Variants in COL6A5 observed in about 807,000 individuals in gnomAD.
COL6A5 encodes collagen alpha-5(VI) chain.
A neutral mutation model predicts 65.6 loss-of-function variants in COL6A5; 48 were observed. The ratio of observed to expected loss-of-function variants is 0.73; its 90% CI spans 0.58 to 0.93. The LOEUF is 0.93. Ranked by LOEUF, COL6A5 falls within the 40% of genes least tolerant of loss-of-function variation. The pLI is 0.00. For synonymous variants in COL6A5, 291 were observed against 322.8 expected, an observed-to-expected ratio of 0.90 and a Z score of 1.05; for missense variants, 914 against 928.3, an observed-to-expected ratio of 0.98 and a Z score of 0.20.
intron 1 of COL6A5, among the ~76,000 whole-genome samples, 183 bp from the exon 34 acceptor site, chr3:130,439,339 T>TTG (rs5852597): frequency 0.017 from 2,524 of 146,628 alleles, 41 homozygotes; most frequent in African/African-American, 0.048. Context: ...AAGCAGGGGA[T>TTG]TGTGTGTGTG....
chr3:130,371,833 T>C (rs1347554256), intron 1 of COL6A5, among the ~76,000 whole-genome samples: 3 of 152,152 alleles, frequency 2.0e-5, no homozygotes, highest in Non-Finnish European at 4.4e-5. Context: ...TAAATTGGAC[T>C]TCATCAAATT....
intron 7 of COL6A5, 69 bp from the exon 8 acceptor site, chr3:130,394,821 A>G: frequency 3.6e-6 from 4 of 1,123,248 alleles, no homozygotes; most frequent in Non-Finnish European, 5.1e-6. Flanking sequence ...AAGCAATTTA[A>G]GTATATGAGG....
rs556929903 is a variant in COL6A5 at position 130,376,903 on chromosome 3, T to C, written c.667+67T>C. The C allele has an allele frequency of 1.8e-4, 254 of 1,447,760 alleles. No homozygotes were observed. In the African/African-American group the frequency reaches 3.5e-3, roughly 20 times the overall value. 89.7% of individuals were successfully genotyped at this position (1,447,760 alleles called of 1,614,324 possible). A position where few individuals can be genotyped will look rare whatever the true frequency, so the allele number is the denominator to read the frequency against. ...GGGTCTACATCTGTCCACTCTCACC[T>C]CTTGCAACTCATGTTAGGTTTTCAT... is the stretch of plus-strand genomic sequence containing the variant. On this transcript the variant is annotated intron_variant and NMD_transcript_variant, in intron 3 of 41. Transcript: ENST00000312481.
At chr3:130,458,176 A>G (rs1316012451) in intron 5 of COL6A5, among the ~76,000 whole-genome samples, 2 of 152,008 alleles carry the variant, frequency 1.3e-5, no homozygotes, top group African/African-American at 4.8e-5. Context: ...AATTATCTTC[A>G]ATTCTACCAC....
At chr3:130,458,683 C>A (rs574315921) in intron 5 of COL6A5, among the ~76,000 whole-genome samples, 2 of 152,108 alleles carry the variant, frequency 1.3e-5, no homozygotes, top group African/African-American at 4.8e-5. Context: ...ATTTGTGTTG[C>A]TAAAGAGTTC....
At chr3:130,365,488 G>A (rs1238880280) in intron 1 of COL6A5, among the ~76,000 whole-genome samples, 1 of 152,004 alleles carries the variant, frequency 6.6e-6, no homozygotes, top group African/African-American at 2.4e-5. Context: ...CGTTTTAGCC[G>A]GGATGGTCTC....
intron 7 of COL6A5, among the ~76,000 whole-genome samples, chr3:130,473,931 T>C (rs879503221): frequency 2.6e-5 from 4 of 152,122 alleles, no homozygotes; most frequent in Non-Finnish European, 5.9e-5. Context: ...AGTTTTCATT[T>C]CTGTGTTTGT....
chr3:130,448,389 T>A (rs528352273), intron 4 of COL6A5, among the ~76,000 whole-genome samples: 1 of 152,274 alleles, frequency 6.6e-6, no homozygotes, highest in South Asian at 2.1e-4. Flanking sequence ...AGAGAACAAG[T>A]TAGACAGCAC....
At chr3:130,382,870 A>T (rs753661330) in intron 4 of COL6A5, among the ~76,000 whole-genome samples, 1 of 152,098 alleles carries the variant, frequency 6.6e-6, no homozygotes, top group Non-Finnish European at 1.5e-5. Context: ...TAAAAATGAG[A>T]GCTATCAATG....
At chr3:130,441,421 C>T (rs1322018182) in intron 3 of COL6A5, among the ~76,000 whole-genome samples, 2 of 152,126 alleles carry the variant, frequency 1.3e-5, no homozygotes, top group Non-Finnish European at 2.9e-5. Flanking sequence ...GCATGAGTGC[C>T]AGGCTACAAA....
At chr3:130,408,712 C>T (rs1937081064) in intron 17 of COL6A5, among the ~76,000 whole-genome samples, 1 of 152,038 alleles carries the variant, frequency 6.6e-6, no homozygotes, top group Non-Finnish European at 1.5e-5. Context: ...TGATGTCACC[C>T]CCAGAGACCC....
chr3:130,384,702 C>G, intron 4 of COL6A5, 102 bp from the exon 5 acceptor site: 1 of 969,836 alleles, frequency 1.0e-6, no homozygotes, highest in South Asian at 1.8e-5. Context: ...AAAACGAAGT[C>G]TTCATTCTTT....
intron 20 of COL6A5, among the ~76,000 whole-genome samples, chr3:130,412,773 A>T (rs148571506): frequency 2.0e-5 from 3 of 152,282 alleles, no homozygotes; most frequent in African/African-American, 7.2e-5. Flanking sequence ...TGTAAGCAAT[A>T]GCCAACCTGG....
In COL6A5 at chr3:130,394,928, G is replaced by A. The variant is rs190666668; in HGVS notation, c.3031G>A (p.Asp1011Asn). Reference sequence around the variant, plus strand: ...GGAAGCTGACGTGATTTTCCTTTGCGATGGCTCTGACAGGGTATCTAATTC... The same window carrying A: ...GGAAGCTGACGTGATTTTCCTTTGCAATGGCTCTGACAGGGTATCTAATTC... Residue 1011 changes from aspartate (D) to asparagine (N), a missense_variant and NMD_transcript_variant, in exon 8 of 42, where the codon GAT becomes AAT. By Grantham distance (23) the Asp-to-Asn change is conservative. Transcript: ENST00000312481. 1.3e-3 allele frequency: 1,995 copies of A among 1,551,210 alleles called. 3 individuals are homozygous for A. Among genetic ancestry groups the A allele is most frequent in the Admixed American group, 2.1e-3 (106 of 50,936 alleles).
chr3:130,422,387 G>A (rs962042539), intron 27 of COL6A5, among the ~76,000 whole-genome samples: 1 of 151,852 alleles, frequency 6.6e-6, no homozygotes, highest in Non-Finnish European at 1.5e-5. Flanking sequence ...AATTTATAAA[G>A]TAATTCATTA....
exon 6 of COL6A5, chr3:130,469,446 T>C (rs1299694979): frequency 6.2e-7 from 1 of 1,612,234 alleles, no homozygotes; most frequent in African/African-American, 1.3e-5. Flanking sequence ...AACTATATCA[T>C]CAAGTTTGTC....
intron 1 of COL6A5, among the ~76,000 whole-genome samples, chr3:130,363,987 T>A (rs1559859049): frequency 1.3e-5 from 2 of 152,208 alleles, no homozygotes; most frequent in Non-Finnish European, 2.9e-5. Flanking sequence ...ATTTTCAGTT[T>A]GCTTAGTTTT....
At chr3:130,484,642 A>G (rs1710328536) in exon 8 of COL6A5, 2 of 399,002 alleles carry the variant, frequency 5.0e-6, no homozygotes, top group Non-Finnish European at 8.8e-6. Flanking sequence ...GAAAAAGAAA[A>G]AAGTGATAAG....
exon 4 of COL6A5, chr3:130,443,558 T>G (rs1387454626): frequency 6.2e-7 from 1 of 1,600,100 alleles, no homozygotes; most frequent in East Asian, 2.2e-5. Flanking sequence ...TTCAAAATGA[T>G]GGTTTCCAGT....
Sources: allele counts gnomAD v4.1 joint callset (sites outside exome capture counted in the v4.1 genomes callset), GRCh38; gene constraint gnomAD v4.1.1; transcripts MANE v1.5; gene names NCBI Gene and HGNC (gene_info 2026-07-23, HGNC 2026-07-21).